Variants in LINGO2 observed in about 807,000 individuals in gnomAD.
LINGO2 encodes leucine-rich repeat and immunoglobulin-like domain-containing nogo receptor-interacting protein 2.
A neutral mutation model predicts 30.6 loss-of-function variants in LINGO2; 14 were observed. The ratio of observed to expected loss-of-function variants is 0.46; its 90% CI spans 0.30 to 0.72. The LOEUF is 0.72. LINGO2 is among the 30% of genes least tolerant of loss of function. The pLI is 0.07. For missense variants in LINGO2, 729 were observed against 751.7 expected (o/e 0.97, Z 0.35); for synonymous variants, 317 against 288.5 (o/e 1.10, Z -1.00).
At chr9:28,446,337 A>C (rs1824424896) in intron 2 of LINGO2, among the ~76,000 whole-genome samples, 1 of 152,200 alleles carries the variant, frequency 6.6e-6, no homozygotes, top group Admixed American at 6.5e-5. Flanking sequence ...CATCCAGTTT[A>C]TAATATAAAA....
At chr9:28,534,138 C>A (rs1432397410) in intron 1 of LINGO2, among the ~76,000 whole-genome samples, 1 of 152,062 alleles carries the variant, frequency 6.6e-6, no homozygotes, top group Non-Finnish European at 1.5e-5. Context: ...GCCTTGTTTT[C>A]ATGAAATCTC....
intron 3 of LINGO2, among the ~76,000 whole-genome samples, chr9:28,372,204 G>T (rs1241849224): frequency 6.6e-6 from 1 of 152,114 alleles, no homozygotes; most frequent in African/African-American, 2.4e-5. Context: ...TTGCTATATT[G>T]AATTCACTTA....
At chr9:28,296,139 G>C (rs1373654155) in intron 3 of LINGO2, among the ~76,000 whole-genome samples, 1 of 152,058 alleles carries the variant, frequency 6.6e-6, no homozygotes, top group African/African-American at 2.4e-5. Context: ...AATAAATATG[G>C]CATTTAAACT....
chr9:28,714,052 G>A, the LINGO2 span, among the ~76,000 whole-genome samples: 7 of 151,432 alleles, frequency 4.6e-5, no homozygotes, highest in Non-Finnish European at 7.4e-5. Context: ...CCAGGTACTC[G>A]GGAGGCTGAG....
At chr9:28,784,497 C>G in the LINGO2 span, among the ~76,000 whole-genome samples, 1 of 152,138 alleles carries the variant, frequency 6.6e-6, no homozygotes, top group Admixed American at 6.5e-5. Flanking sequence ...CATGCTAAAA[C>G]TTAACATTTC....
chr9:29,204,309 GGA>G, the LINGO2 span, among the ~76,000 whole-genome samples: 1 of 152,138 alleles, frequency 6.6e-6, no homozygotes, highest in Non-Finnish European at 1.5e-5. Flanking sequence ...TCAAACTCAT[GGA>G]TAAATCCCTG....
exon 6 of LINGO2, chr9:27,950,433 T>C: frequency 6.2e-7 from 1 of 1,614,000 alleles, no homozygotes; most frequent in East Asian, 2.2e-5. Flanking sequence ...CAGCAGAGGA[T>C]ATGATATGAA....
chr9:29,123,629 A>C, the LINGO2 span, among the ~76,000 whole-genome samples: 3 of 152,080 alleles, frequency 2.0e-5, no homozygotes, highest in African/African-American at 7.2e-5. Context: ...TTACAAATTT[A>C]TATTTCTGAT....
intron 1 of LINGO2, among the ~76,000 whole-genome samples, chr9:28,514,267 A>C (rs1820531358): frequency 6.6e-6 from 1 of 152,180 alleles, no homozygotes; most frequent in African/African-American, 2.4e-5. Flanking sequence ...ATGGCTTCTA[A>C]GTGTTCAAGT....
chr9:28,637,994 C>A (rs957572480), intron 1 of LINGO2, among the ~76,000 whole-genome samples: 1 of 152,074 alleles, frequency 6.6e-6, no homozygotes, highest in African/African-American at 2.4e-5. Context: ...GAGATACAAC[C>A]CATCAATAAC....
intron 1 of LINGO2, among the ~76,000 whole-genome samples, chr9:28,557,842 T>G (rs1822815733): frequency 6.6e-6 from 1 of 151,748 alleles, no homozygotes; most frequent in Non-Finnish European, 1.5e-5. Flanking sequence ...TCATGTCCTT[T>G]GTAGGGACAT....
At chr9:28,775,308 T>C in the LINGO2 span, among the ~76,000 whole-genome samples, 3 of 152,188 alleles carry the variant, frequency 2.0e-5, no homozygotes, top group East Asian at 3.9e-4. Context: ...AAGCACATCA[T>C]TGGTTCACTC....
chr9:28,734,269 T>C, the LINGO2 span, among the ~76,000 whole-genome samples: 1 of 152,276 alleles, frequency 6.6e-6, no homozygotes. Flanking sequence ...GTGAGCAGTA[T>C]AGACAGCATG....
rs547899137 is a variant in LINGO2, at chr9:28,505,120, C to T, written c.-364-29095G>A. Among the ~76,000 whole-genome samples the T allele has an allele frequency of 1.6e-4, 24 of 151,954 alleles. No individual in the cohort carries two copies. In the East Asian group the frequency reaches 2.9e-3, roughly 18 times the overall value. ...TAGAAGAAGCAACAGTAAGTTACTACATTGGTTAAAAATTAACCAACTATA... is the reference window on the plus strand; with the variant it reads ...TAGAAGAAGCAACAGTAAGTTACTATATTGGTTAAAAATTAACCAACTATA... On this transcript the variant is annotated intron_variant, in intron 1 of 5. Transcript: ENST00000379992.
chr9:29,055,623 G>A, the LINGO2 span, among the ~76,000 whole-genome samples: 1 of 152,004 alleles, frequency 6.6e-6, no homozygotes, highest in East Asian at 1.9e-4. Context: ...ACACTGATAA[G>A]TTCTTTAGAG....
At chr9:28,561,735 TTGTGTG>T (rs72145510) in intron 1 of LINGO2, among the ~76,000 whole-genome samples, 9,458 of 43,996 alleles carry the variant, frequency 0.21, 1,564 homozygotes, top group South Asian at 0.36. Context: ...ATATATAATT[TTGTGTG>T]TGTGTGTGTA....
chr9:28,237,844 A>ACTC (rs1821634075), intron 4 of LINGO2, among the ~76,000 whole-genome samples: 1 of 152,066 alleles, frequency 6.6e-6, no homozygotes, highest in Admixed American at 6.6e-5. Context: ...ACAGAGTGAG[A>ACTC]CTCTGTCAAA....
chr9:28,940,786 G>A, the LINGO2 span, among the ~76,000 whole-genome samples: 1 of 152,160 alleles, frequency 6.6e-6, no homozygotes, highest in Non-Finnish European at 1.5e-5. Context: ...TTAATAGGCA[G>A]CTCTTATGCA....
intron 4 of LINGO2, among the ~76,000 whole-genome samples, chr9:28,085,251 A>T (rs1825876263): frequency 6.6e-6 from 1 of 152,186 alleles, no homozygotes; most frequent in Admixed American, 6.6e-5. Flanking sequence ...CATAAATGTC[A>T]TACTGTAGAA....
Sources: gnomAD v4.1 joint callset for allele counts (sites outside exome capture counted in the v4.1 genomes callset) on GRCh38, gnomAD v4.1.1 for gene constraint, MANE v1.5 for transcripts, NCBI Gene and HGNC (gene_info 2026-07-23, HGNC 2026-07-21) for gene names.